Variants in TCAIM observed in about 807,000 individuals in gnomAD.
The protein encoded by TCAIM is T cell activation inhibitor, mitochondrial.
Under a neutral mutation model 58.6 loss-of-function variants are expected in TCAIM, and 36 were observed. The observed-to-expected ratio is 0.61, with a 90% CI of 0.47 to 0.81. TCAIM has a LOEUF of 0.81. Among genes scored for constraint, TCAIM ranks in the 30% least tolerant of loss-of-function variants. The pLI is 0.00. For missense variants in TCAIM, 466 were observed against 579.6 expected (o/e 0.80, Z 2.01); for synonymous variants, 172 against 193.6 (o/e 0.89, Z 0.93).
chr3:44,386,664 A>G (rs969407542), intron 5 of TCAIM, among the ~76,000 whole-genome samples: 1 of 152,178 alleles, frequency 6.6e-6, no homozygotes, highest in Admixed American at 6.5e-5. Flanking sequence ...GAGCCTGGGC[A>G]CTGTCACGAC....
intron 6 of TCAIM, among the ~76,000 whole-genome samples, chr3:44,395,956 C>T (rs954424843): frequency 1.9e-4 from 29 of 152,310 alleles, no homozygotes; most frequent in African/African-American, 6.3e-4. Context: ...CACTGCACTC[C>T]CGCCTGGGCG....
chr3:44,344,047 A>C (rs1401857081), intron 1 of TCAIM, among the ~76,000 whole-genome samples: 2 of 128,118 alleles, frequency 1.6e-5, no homozygotes, highest in African/African-American at 6.1e-5. Flanking sequence ...TTTTTGAGAG[A>C]GTCTCACTCC....
In TCAIM at chr3:44,349,155, G is replaced by A. The variant is rs570138992; in HGVS notation, c.-44-5584G>A. ...TTTAAAGAACTCAGAGTTTGGGGTG[G>A]AGACTGAAGGAACAGATAAGAGAGA... On this transcript the variant is annotated intron_variant, in intron 1 of 10. Transcript: ENST00000342649. 1.8e-4 allele frequency among the ~76,000 whole-genome samples: 28 copies of A among 152,254 alleles called. 1 individual carries two copies. In the South Asian group the frequency reaches 2.5e-3, roughly 14 times the overall value.
intron 5 of TCAIM, among the ~76,000 whole-genome samples, chr3:44,389,013 C>T (rs1430713710): frequency 6.6e-6 from 1 of 152,202 alleles, no homozygotes; most frequent in Admixed American, 6.5e-5. Flanking sequence ...ATATTAAAAG[C>T]CCGGCCGGTG....
intron 10 of TCAIM, among the ~76,000 whole-genome samples, chr3:44,406,764 CAT>C (rs1434374504): frequency 2.0e-5 from 3 of 152,170 alleles, no homozygotes; most frequent in Non-Finnish European, 4.4e-5. Flanking sequence ...CTGAGTAACT[CAT>C]GTGTTGGTCT....
At chr3:44,406,936 A>G (rs896233224) in intron 10 of TCAIM, among the ~76,000 whole-genome samples, 27 of 152,292 alleles carry the variant, frequency 1.8e-4, no homozygotes, top group African/African-American at 6.3e-4. Flanking sequence ...AACCTCAGGC[A>G]GAGGGGAGGG....
chr3:44,396,459 TAGCAC>T lies in TCAIM; in HGVS notation c.760_764del (p.Gln254GlufsTer6), dbSNP rs766450444. 6.2e-7 allele frequency: 1 copy of T among 1,613,532 alleles called. No individual in the cohort carries two copies. The highest frequency in any genetic ancestry group is 8.5e-7 in the Non-Finnish European group (1 of 1,179,988). On this transcript the variant is annotated frameshift_variant, in exon 7 of 11. Transcript: ENST00000342649. LOFTEE classifies it high-confidence loss of function. Reference sequence around the variant, plus strand: ...AGCCAGCTGCATAGTTTAAGCCGCTTAGCACAGCAGAATTTGGAAACACTTAAAAA... The same window carrying T: ...AGCCAGCTGCATAGTTTAAGCCGCTTAGCAGAATTTGGAAACACTTAAAAA...
chr3:44,364,244 A>C (rs1372624983), intron 4 of TCAIM, among the ~76,000 whole-genome samples: 1 of 152,022 alleles, frequency 6.6e-6, no homozygotes, highest in East Asian at 1.9e-4. Flanking sequence ...TCATTTAAAA[A>C]AAAAAAAAAT....
intron 5 of TCAIM, among the ~76,000 whole-genome samples, chr3:44,383,983 A>G (rs1254905473): frequency 6.6e-6 from 1 of 152,174 alleles, no homozygotes; most frequent in African/African-American, 2.4e-5. Flanking sequence ...ACTTGTTTAT[A>G]GGTAATTTCA....
Position 44,342,126 on chromosome 3 carries a change from TAAAG to T in TCAIM, c.-45+3294_-45+3297del, listed in dbSNP as rs2125713150. On this transcript the variant is annotated intron_variant, in intron 1 of 10. Transcript: ENST00000342649. ...ATTGTAATTTTTCTTTTTTATAAAA[TAAAG>T]ACAAAATTCAATAAAATATTCACTA... 1.3e-5 allele frequency among the ~76,000 whole-genome samples: 2 copies of T among 152,272 alleles called. 1 individual carries two copies. The highest frequency in any genetic ancestry group is 3.9e-4 in the East Asian group (2 of 5,180).
chr3:44,405,509 C>A (rs548993571), intron 10 of TCAIM, among the ~76,000 whole-genome samples: 1 of 151,964 alleles, frequency 6.6e-6, no homozygotes, highest in South Asian at 2.1e-4. Context: ...CTCGTCTCTA[C>A]AAAAAATTTA....
At chr3:44,360,812 C>T (rs1237107230) in intron 3 of TCAIM, among the ~76,000 whole-genome samples, 1 of 152,010 alleles carries the variant, frequency 6.6e-6, no homozygotes, top group African/African-American at 2.4e-5. Flanking sequence ...CACCATGCTG[C>T]CCGGGCTGTT....
At chr3:44,351,999 A>G (rs965889272) in intron 1 of TCAIM, among the ~76,000 whole-genome samples, 8 of 150,676 alleles carry the variant, frequency 5.3e-5, no homozygotes, top group African/African-American at 1.9e-4. Flanking sequence ...CTTCACATAT[A>G]TTGACCACTT....
At chr3:44,366,352 A>G (rs1171112352) in intron 4 of TCAIM, among the ~76,000 whole-genome samples, 1 of 151,922 alleles carries the variant, frequency 6.6e-6, no homozygotes, top group Non-Finnish European at 1.5e-5. Context: ...CAGTGGTACA[A>G]TCTCGGCTCA....
intron 5 of TCAIM, among the ~76,000 whole-genome samples, chr3:44,391,001 C>T (rs1010243211): frequency 1.3e-5 from 2 of 152,106 alleles, no homozygotes; most frequent in South Asian, 2.1e-4. Flanking sequence ...CCCAGGACTC[C>T]ATCCAGGTCA....
chr3:44,392,454 G>C (rs1479472208), intron 5 of TCAIM, among the ~76,000 whole-genome samples: 1 of 152,156 alleles, frequency 6.6e-6, no homozygotes, highest in Non-Finnish European at 1.5e-5. Context: ...CCCAATAGTT[G>C]TTTTTACTGA....
At chr3:44,391,790 A>T (rs947070490) in intron 5 of TCAIM, among the ~76,000 whole-genome samples, 1 of 152,166 alleles carries the variant, frequency 6.6e-6, no homozygotes, top group South Asian at 2.1e-4. Context: ...GGGTAGTAAT[A>T]TCCAAGACCA....
At chr3:44,351,123 G>A (rs1315718528) in intron 1 of TCAIM, among the ~76,000 whole-genome samples, 1 of 152,102 alleles carries the variant, frequency 6.6e-6, no homozygotes, top group African/African-American at 2.4e-5. Context: ...CCTGTAGCTG[G>A]GACTACAGAC....
At chr3:44,402,245 TG>T (rs1193114552) in intron 10 of TCAIM, among the ~76,000 whole-genome samples, 1 of 146,376 alleles carries the variant, frequency 6.8e-6, no homozygotes, top group Non-Finnish European at 1.5e-5. Flanking sequence ...GGCAATATGG[TG>T]GGGAAAAAAA....
Sources: gnomAD v4.1 joint callset for allele counts (sites outside exome capture counted in the v4.1 genomes callset) on GRCh38, gnomAD v4.1.1 for gene constraint, MANE v1.5 for transcripts, NCBI Gene and HGNC (gene_info 2026-07-23, HGNC 2026-07-21) for gene names.